MARVELD3: variants seen among roughly 807,000 people sequenced by gnomAD.
The protein encoded by MARVELD3 is MARVEL domain containing 3, also known as MARVEL domain-containing protein 3.
MARVELD3 carries 28 observed loss-of-function variants against 33.5 expected under a neutral mutation model. That is an observed-to-expected ratio of 0.84 (90% CI 0.62 to 1.15). The LOEUF (loss-of-function observed/expected upper bound fraction) is 1.15, where lower values mean the gene tolerates loss of function less well. Ranked by LOEUF, MARVELD3 falls within the 50% of genes most tolerant of loss-of-function variation. The pLI is 0.00. For synonymous variants in MARVELD3, 241 were observed against 230.4 expected (o/e 1.05, Z -0.42); for missense variants, 582 against 547.6 (o/e 1.06, Z -0.63).
At chr16:71,630,393 A>G (rs893802770) in intron 2 of MARVELD3, among the ~76,000 whole-genome samples, 11 of 152,184 alleles carry the variant, frequency 7.2e-5, no homozygotes, top group African/African-American at 2.7e-4. Context: ...TGGGAGGCCA[A>G]GGTGGGTGGA....
Position 71,626,585 on chromosome 16 carries a change from C to G in MARVELD3, c.356C>G (p.Ala119Gly), listed in dbSNP as rs1252924368. Residue 119 changes from alanine to glycine, a missense_variant, in exon 1 of 3, where the codon GCC becomes GGC. Transcript: ENST00000268485. The surrounding 1 kb of genome is among the most constrained non-coding windows in gnomAD (Gnocchi z 5.3). ...KPRQSRTRDG[A>G]RGLTWDAAAP... is the part of the protein sequence containing the mutation. ...CGCCAAAGCCGGACGCGGGACGGAG[C>G]CCGGGGACTGACCTGGGACGCAGCC... 2 of 1,545,122 alleles carry G rather than the reference C, an allele frequency of 1.3e-6. No homozygotes were observed. The highest frequency in any genetic ancestry group is 1.8e-4 in the Middle Eastern group (1 of 5,412).
downstream of MARVELD3, chr16:71,640,466 C>T (rs147595258): frequency 2.4e-5 from 38 of 1,613,946 alleles, no homozygotes; most frequent in Admixed American, 3.3e-5. Context: ...TTGTCCTTGC[C>T]GGATTCAGTG....
In MARVELD3 at chr16:71,634,769, T is replaced by G. The variant is rs975308668; in HGVS notation, c.1172T>G (p.Leu391Arg). The G allele has an allele frequency of 9.3e-6, 15 of 1,605,882 alleles. No homozygotes were observed. The African/African-American group carries it at 1.8e-4, about 19-fold the overall frequency. ...AIKGYRKVRKLKEKPAEMFEF is the reference protein window; with the variant it reads ...AIKGYRKVRKRKEKPAEMFEF The stretch of plus-strand genomic sequence containing the variant: ...AAGGGCTACCGAAAAGTTAGGAAGC[T>G]AAAAGAGAAGCCAGCAGAAATGTTT... Residue 391 changes from leucine to arginine, a missense_variant, in exon 3 of 3, where the codon CTA becomes CGA. Coordinates refer to ENST00000268485, the MANE Select transcript of MARVELD3 (RefSeq NM_052858.6).
At chr16:71,633,698 T>TC (rs1195394042) in intron 2 of MARVELD3, among the ~76,000 whole-genome samples, 9 of 151,174 alleles carry the variant, frequency 6.0e-5, no homozygotes, top group Non-Finnish European at 1.2e-4. Flanking sequence ...CCCAGTCTTT[T>TC]TTTTTTTTTT....
At chr16:71,633,786 C>G (rs1482703253) in intron 2 of MARVELD3, among the ~76,000 whole-genome samples, 1 of 151,484 alleles carries the variant, frequency 6.6e-6, no homozygotes, top group African/African-American at 2.4e-5. Context: ...GCCCTCCCAC[C>G]TTGGCTTCCC....
At chr16:71,633,363 A>G (rs72799846) in intron 2 of MARVELD3, among the ~76,000 whole-genome samples, 1 of 152,264 alleles carries the variant, frequency 6.6e-6, no homozygotes, top group Non-Finnish European at 1.5e-5. Context: ...GTCTCAAAAA[A>G]GAAGAGACAA....
At chr16:71,638,833 T>C (rs1177726396), downstream of MARVELD3, 1 of 152,164 alleles carries the variant, frequency 6.6e-6, no homozygotes, top group Admixed American at 6.5e-5. Context: ...TTTTATCTCA[T>C]GTGTAGATTT....
intron 2 of MARVELD3, among the ~76,000 whole-genome samples, chr16:71,633,520 A>C (rs1027035648): frequency 6.6e-6 from 1 of 151,962 alleles, no homozygotes; most frequent in Admixed American, 6.6e-5. Context: ...CAGCCTCCCA[A>C]GTAGCTGGGA....
At chr16:71,640,349 G>C, downstream of MARVELD3, 1 of 1,598,710 alleles carries the variant, frequency 6.3e-7, no homozygotes, top group Non-Finnish European at 8.5e-7. Flanking sequence ...TGGCCTGGGT[G>C]AGTAATGTCA....
rs528830499 is a variant in MARVELD3, at chr16:71,631,163, A to G, written c.595+1669A>G. Among the ~76,000 whole-genome samples, 35 of 152,328 alleles carry G rather than the reference A, an allele frequency of 2.3e-4. 1 individual carries two copies. The South Asian group carries it at 4.1e-3, about 18-fold the overall frequency. On this transcript the variant is annotated intron_variant, in intron 2 of 2. Transcript: ENST00000268485. ...AACTTTGAGGAAAGTGCTCTAGGCA[A>G]TGCAGGTACAAGGATCATTACTCTA...
At chr16:71,627,757 T>A (rs2044489064) in intron 1 of MARVELD3, among the ~76,000 whole-genome samples, 3 of 132,578 alleles carry the variant, frequency 2.3e-5, no homozygotes. Context: ...ACTGGAAGAC[T>A]CTGTGAGCTA....
At position 71,626,625 on chromosome 16, in the gene MARVELD3, C is replaced by G. The variant is rs1490491770; in HGVS notation, c.396C>G (p.Pro132=). 1 of 1,538,496 alleles carries G rather than the reference C, an allele frequency of 6.5e-7. No homozygotes were observed. Among genetic ancestry groups the G allele is most frequent in the Non-Finnish European group, 8.7e-7 (1 of 1,145,144 alleles). Residue 132 remains proline (P), a synonymous_variant, in exon 1 of 3, where the codon CCC becomes CCG. Transcript: ENST00000268485. The surrounding 1 kb of genome is among the most constrained non-coding windows in gnomAD (Gnocchi z 5.3). The part of the protein sequence containing the change: ...LTWDAAAPPG[P]APWEAPEPPQ... Reference sequence around the variant, plus strand: ...GGGACGCAGCCGCGCCTCCTGGGCCCGCGCCCTGGGAAGCCCCGGAGCCGC... The same window carrying G: ...GGGACGCAGCCGCGCCTCCTGGGCCGGCGCCCTGGGAAGCCCCGGAGCCGC...
Position 71,636,015 on chromosome 16 carries a change from A to G in MARVELD3, c.*1212A>G. ...ATAAAAGGATGTAAAATCTTTCCCAACAGAAGAGTGTTACTTTTGGTCAGA... is the reference window on the plus strand; with the variant it reads ...ATAAAAGGATGTAAAATCTTTCCCAGCAGAAGAGTGTTACTTTTGGTCAGA... On this transcript the variant is annotated 3_prime_UTR_variant, in exon 3 of 3. Transcript: ENST00000268485. 5.1e-6 allele frequency: 5 copies of G among 985,408 alleles called. No individual in the cohort carries two copies. Among genetic ancestry groups the G allele is most frequent in the Non-Finnish European group, 6.0e-6 (5 of 829,934 alleles). 61.0% of individuals were successfully genotyped at this position (985,408 alleles called of 1,614,324 possible).
chr16:71,626,865 T>G lies in MARVELD3; in HGVS notation c.467+169T>G, dbSNP rs944093187. 3.4e-6 allele frequency: 2 copies of G among 590,518 alleles called. No homozygotes were observed. Among genetic ancestry groups the G allele is most frequent in the Middle Eastern group, 4.7e-4 (1 of 2,130 alleles). The allele number at this position is 590,518 out of a possible 1,614,324, so 36.6% of individuals were successfully genotyped here. A position where few individuals can be genotyped will look rare whatever the true frequency, so the allele number is the denominator to read the frequency against. On this transcript the variant is annotated intron_variant, in intron 1 of 2. Transcript: ENST00000268485. The surrounding 1 kb of genome is among the most constrained non-coding windows in gnomAD (Gnocchi z 5.3). The stretch of plus-strand genomic sequence containing the variant: ...AGGCGACCTGGCAGGGAAGGAAAAC[T>G]TTAGGGTTCCCCCTTCTCGTGGCCT...
At chr16:71,640,597 A>T, downstream of MARVELD3, 4 of 1,614,174 alleles carry the variant, frequency 2.5e-6, no homozygotes, top group Non-Finnish European at 3.4e-6. Flanking sequence ...CCCCTGATAT[A>T]CGGTGGCGTG....
downstream of MARVELD3, chr16:71,638,504 T>C (rs945124383): frequency 2.0e-5 from 3 of 152,518 alleles, no homozygotes; most frequent in Admixed American, 6.5e-5. Context: ...TTTATTTGCA[T>C]AAAGGAACAC....
At chr16:71,639,136 A>G (rs1285539910), downstream of MARVELD3, 1 of 132,314 alleles carries the variant, frequency 7.6e-6, no homozygotes, top group Non-Finnish European at 1.5e-5. Context: ...CAATGGCGCA[A>G]TCTCGGCTCA....
At chr16:71,638,711 A>T (rs889893034), downstream of MARVELD3, 6 of 152,218 alleles carry the variant, frequency 3.9e-5, no homozygotes, top group African/African-American at 1.4e-4. Context: ...CAATGATAAT[A>T]TACTGCATAA....
Position 71,626,288 on chromosome 16 carries a change from G to A in MARVELD3, c.59G>A (p.Gly20Glu), listed in dbSNP as rs1017805816. The A allele has an allele frequency of 6.5e-7, 1 of 1,542,476 alleles. No homozygotes were observed. The highest frequency in any genetic ancestry group is 1.4e-5 in the African/African-American group (1 of 72,494). Residue 20 changes from glycine to glutamate, a missense_variant, in exon 1 of 3, where the codon GGA becomes GAA. Physicochemically the swap from Gly to Glu is moderately conservative, Grantham distance 98 (BLOSUM62 -2). Transcript: ENST00000268485. The surrounding 1 kb of genome is among the most constrained non-coding windows in gnomAD (Gnocchi z 5.3). ...GCCCGGCCGAGAGAGCGGGACCCGG[G>A]ACGGCGCCCCCACCCAGACCAAGGC... ...PRARPRERDP[G>E]RRPHPDQGRT...
Sources: gnomAD v4.1 joint callset for allele counts (sites outside exome capture counted in the v4.1 genomes callset) on GRCh38, gnomAD v4.1.1 for gene constraint, Gnocchi (gnomAD v3.1) non-coding constraint, MANE v1.5 for transcripts, NCBI Gene and HGNC (gene_info 2026-07-23, HGNC 2026-07-21) for gene names.